The following MYO1D variants were observed in gnomAD, a reference collection of about 807,000 sequenced individuals.
MYO1D encodes the protein myosin ID.
A neutral mutation model predicts 122.0 loss-of-function variants in MYO1D; 83 were observed. The observed-to-expected ratio is 0.68, with a 90% CI of 0.57 to 0.82. The LOEUF (loss-of-function observed/expected upper bound fraction) is 0.82. Ranked by LOEUF, MYO1D falls within the 40% of genes least tolerant of loss-of-function variation. The probability of loss-of-function intolerance (pLI) is 0.00; values close to 1 mark genes in which losing one functional copy is unlikely to be tolerated. For missense variants in MYO1D, 1,157 were observed against 1,269.5 expected, an observed-to-expected ratio of 0.91 and a Z score of 1.35; for synonymous variants, 464 against 446.9, an observed-to-expected ratio of 1.04 and a Z score of -0.48.
chr17:32,727,703 C>T, intron 14 of MYO1D: 1 of 152,086 alleles, frequency 6.6e-6, no homozygotes, highest in African/African-American at 2.4e-5. Context: ...AAATGCAACA[C>T]ACACTATATT....
intron 1 of MYO1D, among the ~76,000 whole-genome samples, chr17:32,783,048 C>T (rs916761039): frequency 6.6e-6 from 1 of 151,978 alleles, no homozygotes; most frequent in African/African-American, 2.4e-5. Context: ...AGATTCACTA[C>T]GCAAGTTTTT....
intron 1 of MYO1D, among the ~76,000 whole-genome samples, chr17:32,839,188 T>G (rs2090854415): frequency 6.6e-6 from 1 of 152,160 alleles, no homozygotes; most frequent in African/African-American, 2.4e-5. Flanking sequence ...AAGGACTAAG[T>G]CTAAGCCAAG....
At chr17:32,637,022 ATAT>A (rs1156933503) in intron 20 of MYO1D, among the ~76,000 whole-genome samples, 1 of 152,192 alleles carries the variant, frequency 6.6e-6, no homozygotes, top group East Asian at 1.9e-4. Flanking sequence ...TGATGTCATG[ATAT>A]TATTAATAAC....
chr17:32,646,609 A>G (rs1426569871), intron 19 of MYO1D, among the ~76,000 whole-genome samples: 1 of 152,230 alleles, frequency 6.6e-6, no homozygotes. Context: ...AGTCAAAACA[A>G]GTAGGTCCCA....
At chr17:32,515,100 T>C (rs1909843568) in intron 21 of MYO1D, among the ~76,000 whole-genome samples, 1 of 152,200 alleles carries the variant, frequency 6.6e-6, no homozygotes, top group South Asian at 2.1e-4. Flanking sequence ...TGTTTGTTAA[T>C]GGAGTAAGCG....
chr17:32,791,653 C>G lies in MYO1D; in HGVS notation c.96-10869G>C, dbSNP rs183948959. Among the ~76,000 whole-genome samples, 7 of 152,102 alleles carry G rather than the reference C, an allele frequency of 4.6e-5. No homozygotes were observed. In the East Asian group the frequency reaches 1.2e-3, roughly 25 times the overall value. ...AGAAGCAAATAGAGCAAAATGTAAACAACTGATAAAGAACAAAAGGGGGTT... is the reference window on the plus strand; with the variant it reads ...AGAAGCAAATAGAGCAAAATGTAAAGAACTGATAAAGAACAAAAGGGGGTT... On this transcript the variant is annotated intron_variant, in intron 1 of 21. Coordinates refer to ENST00000318217, the MANE Select transcript of MYO1D (RefSeq NM_015194.3).
rs114443326 is a variant in MYO1D, at chr17:32,508,510, C to T, written c.2865-13595G>A. On this transcript the variant is annotated intron_variant, in intron 21 of 21. Transcript: ENST00000318217. ...AGGCTGCTCTTGAACTCATGACCTC[C>T]AGTGGTCCACCTGCCTTGGCCTCCC... Among the ~76,000 whole-genome samples, 206 of 151,916 alleles carry T rather than the reference C, an allele frequency of 1.4e-3. 1 individual carries two copies. Among genetic ancestry groups the T allele is most frequent in the African/African-American group, 4.9e-3 (204 of 41,410 alleles).
At chr17:32,750,939 T>G (rs1023273649) in intron 11 of MYO1D, among the ~76,000 whole-genome samples, 1 of 152,148 alleles carries the variant, frequency 6.6e-6, no homozygotes, top group African/African-American at 2.4e-5. Flanking sequence ...TATTAACCCC[T>G]TTTACAAACT....
At chr17:32,561,061 G>T (rs1286587088) in intron 21 of MYO1D, among the ~76,000 whole-genome samples, 1 of 151,584 alleles carries the variant, frequency 6.6e-6, no homozygotes, top group African/African-American at 2.4e-5. Context: ...ACAGGCACCT[G>T]CCACCACGCC....
chr17:32,799,928 T>C (rs112333199), intron 1 of MYO1D, among the ~76,000 whole-genome samples: 5,100 of 152,212 alleles, frequency 0.034, 283 homozygotes, highest in African/African-American at 0.11. Context: ...AAGTGACCAA[T>C]ACATATGAAA....
chr17:32,754,524 C>A (rs901454635), intron 11 of MYO1D, among the ~76,000 whole-genome samples: 9 of 152,156 alleles, frequency 5.9e-5, no homozygotes, highest in East Asian at 1.9e-4. Flanking sequence ...TATTTCTTGA[C>A]GATTTGGGCT....
At chr17:32,579,463 A>G (rs1232792086) in intron 21 of MYO1D, among the ~76,000 whole-genome samples, 1 of 152,098 alleles carries the variant, frequency 6.6e-6, no homozygotes. Context: ...ATCCCTCCCT[A>G]TACTCCAGAT....
chr17:32,819,188 T>C (rs1256397929), intron 1 of MYO1D, among the ~76,000 whole-genome samples: 5 of 151,974 alleles, frequency 3.3e-5, no homozygotes, highest in Non-Finnish European at 7.4e-5. Flanking sequence ...TGCTTCATCA[T>C]GTAGAAGTTG....
rs763401510 is a variant in MYO1D at position 32,721,209 on chromosome 17, A to C, written c.1747-20T>G. Reference sequence around the variant, plus strand: ...TGGTTCCTAAAGAAATAAATCAGCAAATGGTAAGTTTCACTGGAGAAAATT... The same window carrying C: ...TGGTTCCTAAAGAAATAAATCAGCACATGGTAAGTTTCACTGGAGAAAATT... On this transcript the variant is annotated intron_variant, in intron 14 of 21. Transcript: ENST00000318217. 13 of 1,609,022 alleles carry C rather than the reference A, an allele frequency of 8.1e-6. No individual in the cohort carries two copies. Among genetic ancestry groups the C allele is most frequent in the Non-Finnish European group, 1.1e-5 (13 of 1,176,584 alleles).
rs147365910 is a variant in MYO1D, at chr17:32,516,910, G to A, written c.2865-21995C>T. Among the ~76,000 whole-genome samples the A allele has an allele frequency of 7.4e-4, 113 of 152,342 alleles. 1 individual carries two copies. Among genetic ancestry groups the A allele is most frequent in the African/African-American group, 2.7e-3 (112 of 41,584 alleles). On this transcript the variant is annotated intron_variant, in intron 21 of 21. Transcript: ENST00000318217. ...CATACCTGGCTGGTGTAAATGGGCT[G>A]GGCCACTTCCACCATCCTCTCCAGT...
At chr17:32,624,223 T>TTC (rs1278107578) in intron 20 of MYO1D, among the ~76,000 whole-genome samples, 1 of 150,124 alleles carries the variant, frequency 6.7e-6, no homozygotes, top group Non-Finnish European at 1.5e-5. Flanking sequence ...TAAGTTTTTT[T>TTC]TTTTTTTTTG....
At position 32,653,305 on chromosome 17, in the gene MYO1D, T is replaced by C. The variant is rs139307799; in HGVS notation, c.2595+538A>G. On this transcript the variant is annotated intron_variant, in intron 19 of 21. Transcript: ENST00000318217. ...CAATCTAGTTTTTTTGTTTTTTTTT[T>C]CTAGTTTTAAAAAGAAATTGGCTGG... Among the ~76,000 whole-genome samples the C allele has an allele frequency of 3.7e-3, 566 of 151,756 alleles. 4 individuals carry two copies. Among genetic ancestry groups the C allele is most frequent in the African/African-American group, 0.013 (531 of 41,408 alleles).
intron 21 of MYO1D, among the ~76,000 whole-genome samples, chr17:32,561,827 T>C (rs1367511360): frequency 2.0e-5 from 3 of 152,148 alleles, no homozygotes; most frequent in Non-Finnish European, 4.4e-5. Context: ...AAATATTATA[T>C]TTTACGTATC....
At chr17:32,861,268 A>G (rs1041333282) in intron 1 of MYO1D, among the ~76,000 whole-genome samples, 3 of 151,790 alleles carry the variant, frequency 2.0e-5, no homozygotes, top group African/African-American at 7.3e-5. Context: ...GGGTTTCACC[A>G]TGTTAGCCAG....
Sources: allele counts gnomAD v4.1 joint callset (sites outside exome capture counted in the v4.1 genomes callset), GRCh38; gene constraint gnomAD v4.1.1; transcripts MANE v1.5; gene names NCBI Gene and HGNC (gene_info 2026-07-23, HGNC 2026-07-21).